SLC24A2: variants seen among roughly 807,000 people sequenced by gnomAD.
SLC24A2 encodes solute carrier family 24 member 2, also known as sodium/potassium/calcium exchanger 2.
In SLC24A2, 36 loss-of-function variants were observed where a neutral mutation model predicts 62.0. The observed-to-expected ratio is 0.58, with a 90% confidence interval of 0.44 to 0.77. The LOEUF (loss-of-function observed/expected upper bound fraction) is 0.77, where lower values mean the gene tolerates loss of function less well. SLC24A2 is among the 30% of genes least tolerant of loss of function. The pLI is 0.00. For missense variants in SLC24A2, 846 were observed against 817.9 expected, an observed-to-expected ratio of 1.03 and a Z score of -0.42; for synonymous variants, 358 against 294.0, an observed-to-expected ratio of 1.22 and a Z score of -2.23.
At chr9:20,111,875 T>G in the SLC24A2 span, among the ~76,000 whole-genome samples, 8 of 152,212 alleles carry the variant, frequency 5.3e-5, no homozygotes, top group Non-Finnish European at 1.0e-4. Flanking sequence ...ATGAAAATGT[T>G]CTTGTTTGGA....
chr9:19,600,948 G>A (rs1476090972), intron 4 of SLC24A2, among the ~76,000 whole-genome samples: 2 of 152,152 alleles, frequency 1.3e-5, no homozygotes, highest in Non-Finnish European at 2.9e-5. Flanking sequence ...TGCCTTTTAT[G>A]AGTATTGTTT....
chr9:19,685,414 A>G (rs1819851595), intron 2 of SLC24A2, among the ~76,000 whole-genome samples: 1 of 152,156 alleles, frequency 6.6e-6, no homozygotes, highest in Admixed American at 6.6e-5. Flanking sequence ...AAGCTATCTT[A>G]AAAATTATAT....
chr9:19,528,447 C>A (rs1230969696), intron 8 of SLC24A2, among the ~76,000 whole-genome samples: 1 of 152,144 alleles, frequency 6.6e-6, no homozygotes, highest in Non-Finnish European at 1.5e-5. Context: ...TTTCTAAGGC[C>A]TGGTTTTTTG....
At chr9:19,643,092 T>C (rs1818549885) in intron 2 of SLC24A2, among the ~76,000 whole-genome samples, 1 of 151,998 alleles carries the variant, frequency 6.6e-6, no homozygotes, top group African/African-American at 2.4e-5. Flanking sequence ...TAAATTTTAA[T>C]TTAGTAACTA....
chr9:19,939,167 T>C, the SLC24A2 span, among the ~76,000 whole-genome samples: 1 of 152,232 alleles, frequency 6.6e-6, no homozygotes, highest in Non-Finnish European at 1.5e-5. Flanking sequence ...ATCCTGGTGT[T>C]CTGGAATGAG....
At chr9:19,776,217 C>T (rs1197531912) in intron 2 of SLC24A2, among the ~76,000 whole-genome samples, 2 of 152,202 alleles carry the variant, frequency 1.3e-5, no homozygotes, top group Non-Finnish European at 2.9e-5. Context: ...AGGCCTGCTT[C>T]ATCTGTATTT....
At chr9:19,795,258 C>G in the SLC24A2 span, among the ~76,000 whole-genome samples, 1 of 152,116 alleles carries the variant, frequency 6.6e-6, no homozygotes, top group Middle Eastern at 3.4e-3. Flanking sequence ...ACTGTGTGAG[C>G]AGGCACCCCC....
chr9:19,921,976 TC>T, the SLC24A2 span, among the ~76,000 whole-genome samples: 1 of 152,202 alleles, frequency 6.6e-6, no homozygotes, highest in Admixed American at 6.5e-5. Flanking sequence ...GAAATGACGC[TC>T]CTTCCCAAGA....
chr9:20,239,998 C>A, the SLC24A2 span, among the ~76,000 whole-genome samples: 1 of 151,760 alleles, frequency 6.6e-6, no homozygotes, highest in Admixed American at 6.6e-5. Flanking sequence ...TGGTAACCAT[C>A]CGGGAAGCTT....
At chr9:20,202,521 G>T in the SLC24A2 span, among the ~76,000 whole-genome samples, 6 of 152,188 alleles carry the variant, frequency 3.9e-5, no homozygotes, top group African/African-American at 1.2e-4. Flanking sequence ...TTATGGCGGG[G>T]CCTGAGGGGA....
chr9:19,918,043 T>C, the SLC24A2 span, among the ~76,000 whole-genome samples: 1 of 152,142 alleles, frequency 6.6e-6, no homozygotes, highest in Admixed American at 6.5e-5. Flanking sequence ...GTTTACTAAA[T>C]TGTTTTTTTA....
intron 2 of SLC24A2, among the ~76,000 whole-genome samples, chr9:19,675,474 G>C (rs1353976590): frequency 1.3e-5 from 2 of 152,150 alleles, no homozygotes; most frequent in Non-Finnish European, 1.5e-5. Context: ...AAGACCATCA[G>C]GTGTAAGCAT....
chr9:19,510,412 G>A lies in SLC24A2; in HGVS notation c.*5741C>T, dbSNP rs1386697830. The A allele has an allele frequency of 1.5e-5, 2 of 135,522 alleles. No individual in the cohort carries two copies. The highest frequency in any genetic ancestry group is 5.5e-5 in the African/African-American group (2 of 36,170). The allele number at this position is 135,522 out of a possible 1,614,324, so 8.4% of individuals were successfully genotyped here. The stretch of plus-strand genomic sequence containing the variant: ...AACTATGGGGCAAAGAGTGAAGAGT[G>A]CCCAGATGCAGTTACTTTTTGCCAA... On this transcript the variant is annotated 3_prime_UTR_variant, in exon 11 of 11. Coordinates refer to ENST00000341998, the MANE Select transcript of SLC24A2 (RefSeq NM_020344.4).
At chr9:19,721,076 A>G (rs1821012878) in intron 2 of SLC24A2, among the ~76,000 whole-genome samples, 1 of 152,114 alleles carries the variant, frequency 6.6e-6, no homozygotes, top group African/African-American at 2.4e-5. Flanking sequence ...TATGGTAACA[A>G]TTACCTTTTA....
intron 2 of SLC24A2, among the ~76,000 whole-genome samples, chr9:19,713,220 T>C (rs542452136): frequency 2.0e-5 from 3 of 152,156 alleles, no homozygotes; most frequent in South Asian, 4.1e-4. Context: ...AAATATTTAT[T>C]GCATGAATGA....
At chr9:20,136,397 T>C in the SLC24A2 span, among the ~76,000 whole-genome samples, 2 of 152,108 alleles carry the variant, frequency 1.3e-5, no homozygotes, top group East Asian at 1.9e-4. Flanking sequence ...GAAAGAAAAG[T>C]ATATGCAAAG....
chr9:19,986,741 A>G, the SLC24A2 span, among the ~76,000 whole-genome samples: 10 of 152,162 alleles, frequency 6.6e-5, no homozygotes, highest in Non-Finnish European at 1.2e-4. Flanking sequence ...TTGTAAATCT[A>G]TAGAGACAGA....
chr9:20,022,428 A>C, the SLC24A2 span, among the ~76,000 whole-genome samples: 1 of 152,244 alleles, frequency 6.6e-6, no homozygotes, highest in Admixed American at 6.5e-5. Flanking sequence ...CAGAACAATT[A>C]TGCAACTTGC....
chr9:20,015,185 T>C, the SLC24A2 span, among the ~76,000 whole-genome samples: 6 of 152,190 alleles, frequency 3.9e-5, no homozygotes, highest in African/African-American at 1.4e-4. Context: ...CAGCTGTTGC[T>C]TCTACATATC....
Sources: gnomAD v4.1 joint callset for allele counts (sites outside exome capture counted in the v4.1 genomes callset) on GRCh38, gnomAD v4.1.1 for gene constraint, MANE v1.5 for transcripts, NCBI Gene and HGNC (gene_info 2026-07-23, HGNC 2026-07-21) for gene names.